The following NAA15 variants were observed in gnomAD, a reference collection of about 807,000 sequenced individuals.
NAA15 encodes the protein N-terminal acetyltransferase.
A neutral mutation model predicts 114.0 loss-of-function variants in NAA15; 34 were observed. The ratio of observed to expected loss-of-function variants is 0.30; its 90% CI spans 0.23 to 0.40. The LOEUF (loss-of-function observed/expected upper bound fraction) is 0.40, where lower values mean the gene tolerates loss of function less well. Among genes scored for constraint, NAA15 ranks in the 10% least tolerant of loss-of-function variants. The pLI is 1.00. For missense variants in NAA15, 658 were observed against 1,004.5 expected (o/e 0.66, Z 4.66); for synonymous variants, 340 against 338.0 (o/e 1.01, Z -0.06).
At chr4:139,345,835 G>A (rs567045887) in intron 6 of NAA15, among the ~76,000 whole-genome samples, 3 of 152,158 alleles carry the variant, frequency 2.0e-5, no homozygotes, top group Non-Finnish European at 2.9e-5. Context: ...GCAGGAGAAC[G>A]GCGTGAACCT....
At chr4:139,371,456 T>C (rs1267614218) in intron 15 of NAA15, among the ~76,000 whole-genome samples, 1 of 133,592 alleles carries the variant, frequency 7.5e-6, no homozygotes, top group Non-Finnish European at 1.6e-5. Flanking sequence ...CTGGGAGACA[T>C]AGCAAGACTC....
chr4:139,351,718 C>T (rs1747784155), intron 9 of NAA15, 107 bp downstream of exon 9: 2 of 565,164 alleles, frequency 3.5e-6, no homozygotes, highest in Non-Finnish European at 3.2e-6. Flanking sequence ...TTGTGAATCT[C>T]ATGTCAGTCT....
rs76903789 is a variant in NAA15 at position 139,329,839 on chromosome 4, G to A, written c.55-4335G>A. Among the ~76,000 whole-genome samples the A allele has an allele frequency of 4.4e-3, 663 of 152,216 alleles. 5 individuals are homozygous for A. Among genetic ancestry groups the A allele is most frequent in the African/African-American group, 0.015 (630 of 41,538 alleles). ...ATCTCTTGCAGAGTGCCTCAGCCTC[G>A]TTGAACATCAGTCTTTGTTAACTCT... On this transcript the variant is annotated intron_variant, in intron 1 of 19. Transcript: ENST00000296543.
intron 1 of NAA15, among the ~76,000 whole-genome samples, chr4:139,315,719 CT>C: frequency 6.6e-6 from 1 of 151,818 alleles, no homozygotes; most frequent in Middle Eastern, 3.4e-3. Flanking sequence ...CTGAATTGAT[CT>C]CATCTTTGGT....
intron 11 of NAA15, among the ~76,000 whole-genome samples, chr4:139,358,223 CA>C (rs374855923): frequency 6.7e-5 from 10 of 148,606 alleles, no homozygotes; most frequent in Middle Eastern, 3.5e-3. Context: ...GAAAGAGTCT[CA>C]CTGCATCACC....
chr4:139,344,030 C>T (rs915021488), intron 5 of NAA15, among the ~76,000 whole-genome samples, 156 bp from the exon 6 acceptor site: 2 of 152,154 alleles, frequency 1.3e-5, no homozygotes, highest in East Asian at 1.9e-4. Flanking sequence ...TCATTATTTA[C>T]TCAGTTGCTC....
At chr4:139,340,017 G>A (rs1342941777) in intron 3 of NAA15, among the ~76,000 whole-genome samples, 5 of 152,082 alleles carry the variant, frequency 3.3e-5, no homozygotes, top group Admixed American at 6.5e-5. Flanking sequence ...GATGACCTAC[G>A]TCTTAGTTAT....
chr4:139,322,611 A>G (rs1746655839), intron 1 of NAA15, among the ~76,000 whole-genome samples: 1 of 152,190 alleles, frequency 6.6e-6, no homozygotes, highest in Non-Finnish European at 1.5e-5. Context: ...GGCTCATGCT[A>G]CTTGGTAATT....
chr4:139,368,595 A>C (rs917883240), intron 14 of NAA15, among the ~76,000 whole-genome samples: 1 of 152,158 alleles, frequency 6.6e-6, no homozygotes, highest in Non-Finnish European at 1.5e-5. Flanking sequence ...TGAATGATCC[A>C]AGAGAAAGCA....
chr4:139,334,849 T>C (rs956919197), intron 2 of NAA15, among the ~76,000 whole-genome samples: 1 of 152,234 alleles, frequency 6.6e-6, no homozygotes, highest in Non-Finnish European at 1.5e-5. Context: ...TCAGTAACTA[T>C]TGATAATGCA....
At chr4:139,304,909 C>T (rs775152962) in intron 1 of NAA15, among the ~76,000 whole-genome samples, 23 of 152,048 alleles carry the variant, frequency 1.5e-4, no homozygotes, top group Non-Finnish European at 3.1e-4. Flanking sequence ...TATAATTTTG[C>T]CATTCTTTTG....
At position 139,323,884 on chromosome 4, in the gene NAA15, C is replaced by A. The variant is rs550270776; in HGVS notation, c.55-10290C>A. 2.6e-4 allele frequency among the ~76,000 whole-genome samples: 40 copies of A among 152,084 alleles called. 1 individual carries two copies. Among genetic ancestry groups the A allele is most frequent in the Non-Finnish European group, 5.4e-4 (37 of 68,018 alleles). On this transcript the variant is annotated intron_variant, in intron 1 of 19. Coordinates refer to ENST00000296543, the MANE Select transcript of NAA15 (RefSeq NM_057175.5). ...GTATGGTGCCAGAATTTAGCACATG[C>A]GACTTTATTATCTATTAGAACAATT...
At chr4:139,319,661 G>A (rs1191477287) in intron 1 of NAA15, among the ~76,000 whole-genome samples, 1 of 150,896 alleles carries the variant, frequency 6.6e-6, no homozygotes. Flanking sequence ...TTGAACTCCT[G>A]GGCTCAGGCA....
chr4:139,329,600 T>G (rs1746931554), intron 1 of NAA15, among the ~76,000 whole-genome samples: 1 of 152,216 alleles, frequency 6.6e-6, no homozygotes, highest in African/African-American at 2.4e-5. Flanking sequence ...TACTGAATTC[T>G]ACAGCTGTTC....
intron 14 of NAA15, 126 bp downstream of exon 14, chr4:139,362,063 T>A: frequency 1.9e-6 from 1 of 523,814 alleles, no homozygotes; most frequent in Non-Finnish European, 3.1e-6. Flanking sequence ...TACAAGGTTC[T>A]CTAAACAACA....
chr4:139,384,964 C>T lies in NAA15; in HGVS notation c.2288C>T (p.Pro763Leu). The T allele has an allele frequency of 6.4e-7, 1 of 1,553,542 alleles. No homozygotes were observed. Among genetic ancestry groups the T allele is most frequent in the Non-Finnish European group, 8.7e-7 (1 of 1,153,568 alleles). The change falls in exon 18 of 20, where the codon CCA (proline) becomes CTA (leucine). Residue 763 changes from proline to leucine, a missense_variant. By Grantham distance (98) the Pro-to-Leu change is moderately conservative (BLOSUM62 -3). Around this residue, in one of 6 missense-constraint regions of NAA15, gnomAD observed 275 missense variants for 371.1 expected, o/e 0.74. Transcript: ENST00000296543. Reference sequence around the variant, plus strand: ...CTGAAAAGGAATTCTGATTCATTGCCACACAGATTATCAGGTAATCACTTT... The same window carrying T: ...CTGAAAAGGAATTCTGATTCATTGCTACACAGATTATCAGGTAATCACTTT... ...TFLKRNSDSL[P>L]HRLSAAKMVY... is the part of the protein sequence containing the mutation.
chr4:139,327,846 G>A (rs1262885853), intron 1 of NAA15, among the ~76,000 whole-genome samples: 2 of 151,958 alleles, frequency 1.3e-5, no homozygotes, highest in Admixed American at 1.3e-4. Context: ...TGTATTTTTA[G>A]TAGAGACAGG....
chr4:139,344,288 T>C lies in NAA15; in HGVS notation c.640T>C (p.Cys214Arg). The C allele has an allele frequency of 6.2e-7, 1 of 1,612,738 alleles. No individual in the cohort carries two copies. Among genetic ancestry groups the C allele is most frequent in the Non-Finnish European group, 8.5e-7 (1 of 1,179,374 alleles). ...CTATAGAGAAGCTTTGGAACATCTT[T>C]GTACCTATGAAAAGCAGATTTGTGA... ...GLYREALEHLCTYEKQICDKL... is the reference protein window; with the variant it reads ...GLYREALEHLRTYEKQICDKL... Residue 214 changes from cysteine to arginine, a missense_variant, in exon 6 of 20, where the codon TGT becomes CGT. By Grantham distance (180) the Cys-to-Arg change is radical (BLOSUM62 -3). Transcript: ENST00000296543.
intron 1 of NAA15, among the ~76,000 whole-genome samples, chr4:139,329,920 G>C (rs1052471031): frequency 2.0e-5 from 3 of 152,170 alleles, no homozygotes; most frequent in Non-Finnish European, 2.9e-5. Flanking sequence ...GCTAGGAAGT[G>C]CCTCCAGGAG....
Sources: allele counts gnomAD v4.1 joint callset (sites outside exome capture counted in the v4.1 genomes callset), GRCh38; gene constraint gnomAD v4.1.1; regional missense constraint gnomAD v4.1.1; transcripts MANE v1.5; gene names NCBI Gene and HGNC (gene_info 2026-07-23, HGNC 2026-07-21).